Variants in ERMARD observed in about 807,000 individuals in gnomAD.
The protein encoded by ERMARD is ER membrane associated RNA degradation.
ERMARD carries 71 observed loss-of-function variants against 83.9 expected under a neutral mutation model. That is an observed-to-expected ratio of 0.85 (90% CI 0.70 to 1.03). The LOEUF (loss-of-function observed/expected upper bound fraction) is 1.03. ERMARD is among the 50% of genes least tolerant of loss of function. The pLI is 0.00. For missense variants in ERMARD, 838 were observed against 810.9 expected (o/e 1.03, Z -0.41); for synonymous variants, 284 against 298.6 (o/e 0.95, Z 0.50).
At chr6:169,772,541 G>A (rs1265901211) in intron 12 of ERMARD, among the ~76,000 whole-genome samples, 1 of 152,106 alleles carries the variant, frequency 6.6e-6, no homozygotes, top group African/African-American at 2.4e-5. Context: ...CGAGGCAGAT[G>A]GGTCACCTGA....
Position 169,775,252 on chromosome 6 carries a change from TA to T in ERMARD, c.1318-14del. On this transcript the variant is annotated splice_polypyrimidine_tract_variant and intron_variant, in intron 13 of 17. Coordinates refer to ENST00000366773, the MANE Select transcript of ERMARD (RefSeq NM_018341.3). ...GTTACTGTGAAATCTACAAAAGCAA[TA>T]AAACATTTCCTCCCAGGTGCTGAGC... 4 of 1,613,250 alleles carry T rather than the reference TA, an allele frequency of 2.5e-6. No homozygotes were observed. Among genetic ancestry groups the T allele is most frequent in the Non-Finnish European group, 3.4e-6 (4 of 1,179,634 alleles).
chr6:169,773,472 T>C, intron 13 of ERMARD, 70 bp downstream of exon 13: 4 of 1,484,142 alleles, frequency 2.7e-6, no homozygotes, highest in Non-Finnish European at 3.8e-6. Context: ...GCAGAGATGC[T>C]GGAAGGGTGC....
chr6:169,771,745 T>C (rs1447934628), intron 12 of ERMARD: 5 of 152,272 alleles, frequency 3.3e-5, no homozygotes, highest in African/African-American at 9.6e-5. Context: ...CTTAGAAATA[T>C]GTTCCACAGT....
Position 169,751,673 on chromosome 6 carries a change from G to GT in ERMARD, c.6+11dup. 6.4e-7 allele frequency: 1 copy of GT among 1,554,322 alleles called. No individual in the cohort carries two copies. Among genetic ancestry groups the GT allele is most frequent in the Non-Finnish European group, 8.7e-7 (1 of 1,149,370 alleles). ...ACCGGAAGTTATGGAGGTAGGGCGG[G>GT]TGTAGGGCCCGGTTCGATCCCGAGC... On this transcript the variant is annotated intron_variant, in intron 1 of 17. Transcript: ENST00000366773.
chr6:169,756,764 C>T lies in ERMARD; in HGVS notation c.463C>T (p.Leu155=). 6.2e-7 allele frequency: 1 copy of T among 1,614,034 alleles called. No individual in the cohort carries two copies. The highest frequency in any genetic ancestry group is 1.1e-5 in the South Asian group (1 of 91,078). ...GGAATGCCCCTTTCTTTTAAGAGAT[C>T]TGCTTTCATCTGAGGAGCTTGCTCA... The part of the protein sequence containing the change: ...GKECPFLLRD[L]LSSEELAQVF... The change falls in exon 5 of 18, where the codon CTG becomes TTG. Residue 155 remains leucine, a synonymous_variant. Coordinates refer to ENST00000366773, the MANE Select transcript of ERMARD (RefSeq NM_018341.3).
chr6:169,768,120 G>A lies in ERMARD; in HGVS notation c.1008G>A (p.Leu336=), dbSNP rs556539571. The change falls in exon 11 of 18, where the codon TTG becomes TTA. Residue 336 remains leucine (L), a synonymous_variant. Transcript: ENST00000366773. ...TTFDQILAKH[L]NDGKINQLPL... ...TGTTTTAGATATTGGCAAAACACTT[G>A]AATGATGGTAAAATCAATCAGCTTC... The A allele has an allele frequency of 1.2e-6, 2 of 1,614,044 alleles. No individual in the cohort carries two copies. Among genetic ancestry groups the A allele is most frequent in the Non-Finnish European group, 1.7e-6 (2 of 1,179,948 alleles).
At chr6:169,758,458 A>G (rs1386043344) in intron 5 of ERMARD, among the ~76,000 whole-genome samples, 2 of 152,214 alleles carry the variant, frequency 1.3e-5, no homozygotes, top group Non-Finnish European at 1.5e-5. Flanking sequence ...GACAGCTAGG[A>G]AGTGGAGGCT....
chr6:169,754,401 G>C (rs1347904937), intron 2 of ERMARD, among the ~76,000 whole-genome samples: 3 of 152,092 alleles, frequency 2.0e-5, no homozygotes, highest in African/African-American at 7.2e-5. Context: ...GTGTCTTCTA[G>C]ACATTCTTGC....
intron 2 of ERMARD, among the ~76,000 whole-genome samples, chr6:169,754,412 A>G (rs981710812): frequency 8.5e-5 from 13 of 152,196 alleles, no homozygotes; most frequent in Admixed American, 8.5e-4. Context: ...ACATTCTTGC[A>G]CACTTTGGAG....
At position 169,762,458 on chromosome 6, in the gene ERMARD, C is replaced by T. The variant is rs1391412643; in HGVS notation, c.887C>T (p.Thr296Ile). The part of the protein sequence containing the change: ...RFADCAILLL[T>I]QLETGLRNVF... Reference sequence around the variant, plus strand: ...GCTGACTGCGCCATATTGTTGCTGACACAACTGGAGACTGGACTTAGGAAT... The same window carrying T: ...GCTGACTGCGCCATATTGTTGCTGATACAACTGGAGACTGGACTTAGGAAT... Residue 296 changes from threonine (T) to isoleucine (I), a missense_variant, in exon 9 of 18, where the codon ACA becomes ATA. Coordinates refer to ENST00000366773, the MANE Select transcript of ERMARD (RefSeq NM_018341.3). The T allele has an allele frequency of 1.2e-6, 2 of 1,614,118 alleles. No individual in the cohort carries two copies. The highest frequency in any genetic ancestry group is 2.2e-5 in the South Asian group (2 of 91,066).
chr6:169,759,109 CAA>C, intron 6 of ERMARD, 44 bp downstream of exon 6: 1 of 1,493,418 alleles, frequency 6.7e-7, no homozygotes, highest in South Asian at 1.2e-5. Context: ...TTGGATCTAC[CAA>C]AGAGTTTTTT....
At chr6:169,762,855 G>A (rs1397203533) in intron 9 of ERMARD, among the ~76,000 whole-genome samples, 1 of 152,196 alleles carries the variant, frequency 6.6e-6, no homozygotes, top group Non-Finnish European at 1.5e-5. Context: ...GGAGACTGAG[G>A]TGACCAGTGG....
intron 12 of ERMARD, chr6:169,771,680 A>C (rs1792937094): frequency 6.6e-6 from 1 of 152,016 alleles, no homozygotes; most frequent in Non-Finnish European, 1.5e-5. Flanking sequence ...GTGGCTGCTC[A>C]GGCGGGAAGC....
At chr6:169,751,535 G>C, upstream of ERMARD, 1 of 1,610,672 alleles carries the variant, frequency 6.2e-7, no homozygotes, top group Non-Finnish European at 8.5e-7. Context: ...TCCCGCGAGG[G>C]CGGAAGTCTC....
chr6:169,775,279 T>C lies in ERMARD; in HGVS notation c.1327T>C (p.Cys443Arg), dbSNP rs778233621. ...AAACATTTCCTCCCAGGTGCTGAGC[T>C]GTGAGGAGAGCATCAGGGTTTGGGC... ...VFQLKKQVLS[C>R]EESIRVWALL... Residue 443 changes from cysteine (C) to arginine (R), a missense_variant, in exon 14 of 18, where the codon TGT becomes CGT. Physicochemically the swap from Cys to Arg is radical, Grantham distance 180. Coordinates refer to ENST00000366773, the MANE Select transcript of ERMARD (RefSeq NM_018341.3). 1 of 1,614,248 alleles carries C rather than the reference T, an allele frequency of 6.2e-7. No homozygotes were observed. Among genetic ancestry groups the C allele is most frequent in the Non-Finnish European group, 8.5e-7 (1 of 1,180,048 alleles).
chr6:169,771,818 C>G (rs993966655), intron 12 of ERMARD: 5 of 152,160 alleles, frequency 3.3e-5, no homozygotes, highest in African/African-American at 7.3e-5. Context: ...GGCGGATCAC[C>G]TGAGGTCAGA....
At chr6:169,752,690 TAACTC>T (rs779797747) in intron 1 of ERMARD, among the ~76,000 whole-genome samples, 20 of 152,150 alleles carry the variant, frequency 1.3e-4, no homozygotes, top group Admixed American at 2.6e-4. Flanking sequence ...AGCCCCCCCT[TAACTC>T]AACACACCAA....
In ERMARD at chr6:169,758,717, A is replaced by G. The variant is rs183517098; in HGVS notation, c.508-251A>G. Among the ~76,000 whole-genome samples the G allele has an allele frequency of 1.2e-3, 185 of 152,048 alleles. 2 individuals are homozygous for G. Among genetic ancestry groups the G allele is most frequent in the African/African-American group, 4.2e-3 (173 of 41,466 alleles). On this transcript the variant is annotated intron_variant, in intron 5 of 17. Transcript: ENST00000366773. ...ACCTTTCCATGCTTGTATTTTTTTC[A>G]CCTAGATGCTGGGGATAATCATAGT...
chr6:169,764,725 GGT>G (rs1791986971), intron 9 of ERMARD, among the ~76,000 whole-genome samples: 1 of 152,072 alleles, frequency 6.6e-6, no homozygotes, highest in Non-Finnish European at 1.5e-5. Flanking sequence ...CCTCCTCTTT[GGT>G]GTGTTCCCTG....
Sources: allele counts gnomAD v4.1 joint callset (sites outside exome capture counted in the v4.1 genomes callset), GRCh38; gene constraint gnomAD v4.1.1; transcripts MANE v1.5; gene names NCBI Gene and HGNC (gene_info 2026-07-23, HGNC 2026-07-21).